The following PTPRU variants were observed in gnomAD, a reference collection of about 807,000 sequenced individuals.
PTPRU encodes the protein receptor-type tyrosine-protein phosphatase U.
Under a neutral mutation model 166.3 loss-of-function variants are expected in PTPRU, and 69 were observed. That is an observed-to-expected ratio of 0.41 (90% confidence interval 0.34 to 0.51). The LOEUF (loss-of-function observed/expected upper bound fraction) is 0.51. Ranked by LOEUF, PTPRU falls within the 20% of genes least tolerant of loss-of-function variation. The probability of loss-of-function intolerance (pLI) is 0.09; values close to 1 mark genes in which losing one functional copy is unlikely to be tolerated. For missense variants in PTPRU, 1,657 were observed against 2,013.7 expected (o/e 0.82, Z 3.39); for synonymous variants, 793 against 814.0 (o/e 0.97, Z 0.44).
intron 16 of PTPRU, 132 bp downstream of exon 16, chr1:29,304,177 C>A: frequency 2.8e-6 from 3 of 1,061,978 alleles, no homozygotes; most frequent in Non-Finnish European, 4.0e-6. Flanking sequence ...TCCAACTCAA[C>A]CTTTTTGACC....
Position 29,317,936 on chromosome 1 carries a change from T to C in PTPRU, c.3687+15T>C. On this transcript the variant is annotated intron_variant, in intron 25 of 29. Transcript: ENST00000373779. The surrounding 1 kb of genome is among the most constrained non-coding windows in gnomAD (Gnocchi z 5.6). ...CCCTGACTGACGTGAGAGCTTGGGGTGGAGTGGGCTCTGGGGCTCCCCTTC... is the reference window on the plus strand; with the variant it reads ...CCCTGACTGACGTGAGAGCTTGGGGCGGAGTGGGCTCTGGGGCTCCCCTTC... The C allele has an allele frequency of 6.2e-7, 1 of 1,612,836 alleles. No homozygotes were observed. Among genetic ancestry groups the C allele is most frequent in the African/African-American group, 1.3e-5 (1 of 74,984 alleles).
In PTPRU at chr1:29,280,114, C is replaced by T. The variant is rs202066264; in HGVS notation, c.1841C>T (p.Pro614Leu). Residue 614 changes from proline to leucine, a missense_variant, in exon 11 of 30, where the codon CCG (proline) becomes CTG (leucine). Pro to Leu is a moderately conservative substitution (Grantham distance 98, BLOSUM62 -3). Transcript: ENST00000373779. This position sits in a 1 kb window ranked among gnomAD's most constrained non-coding sequence, Gnocchi z 4.2. ...SENTITVLLR[P>L]AQGRGAPISV... is the part of the protein sequence containing the mutation. ...AACACCATCACCGTGCTGCTGAGGC[C>T]GGCACAGGGCCGCGGTGCGCCCATC... is the stretch of plus-strand genomic sequence containing the variant. The T allele has an allele frequency of 1.9e-5, 30 of 1,613,288 alleles. No homozygotes were observed. Among genetic ancestry groups the T allele is most frequent in the East Asian group, 6.7e-5 (3 of 44,872 alleles).
chr1:29,306,269 G>A lies in PTPRU; in HGVS notation c.2820+841G>A, dbSNP rs539426389. ...ATGAGTCTACTTCCTAGGTGTGGAA[G>A]AGGGGCGAGGCGGGACAGGGCCCCT... On this transcript the variant is annotated intron_variant, in intron 18 of 29. Coordinates refer to ENST00000373779, the MANE Select transcript of PTPRU (RefSeq NM_133178.4). Among the ~76,000 whole-genome samples, 7 of 152,356 alleles carry A rather than the reference G, an allele frequency of 4.6e-5. No homozygotes were observed. The East Asian group carries it at 1.3e-3, about 29-fold the overall frequency.
At chr1:29,252,270 T>TC (rs112002539) in intron 1 of PTPRU, among the ~76,000 whole-genome samples, 14,222 of 50,540 alleles carry the variant, frequency 0.28, 913 homozygotes, top group African/African-American at 0.36. Context: ...CTTTTTTCTT[T>TC]CTTTTTTTTT....
intron 14 of PTPRU, among the ~76,000 whole-genome samples, chr1:29,286,582 G>C (rs1413486389): frequency 1.3e-5 from 2 of 152,108 alleles, no homozygotes; most frequent in African/African-American, 4.8e-5. Context: ...CCCCCAGCAG[G>C]GGGCCTGAGA....
rs150287414 is a variant in PTPRU at position 29,257,271 on chromosome 1, C to G, written c.206-1234C>G. On this transcript the variant is annotated intron_variant, in intron 2 of 29. Coordinates refer to ENST00000373779, the MANE Select transcript of PTPRU (RefSeq NM_133178.4). The surrounding 1 kb of genome is among the most constrained non-coding windows in gnomAD (Gnocchi z 4.6). ...GAGTGTGTTGGGGGTTGAGAAGTGC[C>G]CCTTCCTGGGTGGGGATGGGGACTT... is the stretch of plus-strand genomic sequence containing the variant. Among the ~76,000 whole-genome samples, 100 of 152,194 alleles carry G rather than the reference C, an allele frequency of 6.6e-4. 1 individual carries two copies. Among genetic ancestry groups the G allele is most frequent in the African/African-American group, 2.3e-3 (97 of 41,526 alleles).
At chr1:29,284,173 C>T (rs1292267133) in intron 13 of PTPRU, among the ~76,000 whole-genome samples, 197 bp downstream of exon 13, 1 of 152,090 alleles carries the variant, frequency 6.6e-6, no homozygotes, top group African/African-American at 2.4e-5. Context: ...ACAGCAGGGG[C>T]CTGGAGCAGG....
chr1:29,274,290 C>T (rs1043764391), intron 7 of PTPRU, among the ~76,000 whole-genome samples: 3 of 151,998 alleles, frequency 2.0e-5, no homozygotes, highest in South Asian at 2.1e-4. Context: ...CCGCCTGCCT[C>T]GGCCTCCCAA....
At position 29,255,289 on chromosome 1, in the gene PTPRU, G is replaced by A. The variant is rs1684727417; in HGVS notation, c.88G>A (p.Glu30Lys). The A allele has an allele frequency of 1.2e-6, 2 of 1,613,664 alleles. No homozygotes were observed. The highest frequency in any genetic ancestry group is 8.5e-7 in the Non-Finnish European group (1 of 1,179,704). Residue 30 changes from glutamate to lysine, a missense_variant, in exon 2 of 30, where the codon GAG becomes AAG. Coordinates refer to ENST00000373779, the MANE Select transcript of PTPRU (RefSeq NM_133178.4). Reference protein sequence around the residue: ...TETPAAGCTFEEASDPAVPCE... With the variant: ...TETPAAGCTFKEASDPAVPCE... ...TGCTCTCACAGCTGGCTGCACCTTC[G>A]AGGAGGCAAGTGACCCAGCAGTGCC...
chr1:29,312,623 C>T lies in PTPRU; in HGVS notation c.3144C>T (p.Tyr1048=). 6.2e-7 allele frequency: 1 copy of T among 1,611,776 alleles called. No individual in the cohort carries two copies. Among genetic ancestry groups the T allele is most frequent in the Non-Finnish European group, 8.5e-7 (1 of 1,178,334 alleles). The change falls in exon 22 of 30, where the codon TAC becomes TAT. Residue 1048 remains tyrosine, a synonymous_variant. Transcript: ENST00000373779. ...FTAWPEHGVP[Y]HATGLLAFIR... ...CGTGGCCAGAGCATGGCGTCCCCTA[C>T]CATGCCACGGGGCTGCTGGCTTTCA...
At position 29,275,675 on chromosome 1, in the gene PTPRU, A is replaced by G. The variant is rs571821576; in HGVS notation, c.1372A>G (p.Asn458Asp). ...CATCAAGAACCTGCTGCCCTATCGG[A>G]ACGTTCACGTGAGGCTTGTCCTCAC... ...YTIKNLLPYR[N>D]VHVRLVLTNP... The change falls in exon 8 of 30, where the codon AAC becomes GAC. Residue 458 changes from asparagine to aspartate, a missense_variant. Coordinates refer to ENST00000373779, the MANE Select transcript of PTPRU (RefSeq NM_133178.4). 2 of 1,614,158 alleles carry G rather than the reference A, an allele frequency of 1.2e-6. No individual in the cohort carries two copies. The highest frequency in any genetic ancestry group is 2.7e-5 in the African/African-American group (2 of 75,030).
Position 29,291,901 on chromosome 1 carries a change from A to G in PTPRU, c.2351A>G (p.Asn784Ser), listed in dbSNP as rs1255358253. The G allele has an allele frequency of 7.4e-6, 12 of 1,614,120 alleles. No homozygotes were observed. The highest frequency in any genetic ancestry group is 1.0e-5 in the Non-Finnish European group (12 of 1,180,002). Residue 784 changes from asparagine to serine, a missense_variant, in exon 15 of 30, where the codon AAC becomes AGC. By Grantham distance (46) the Asn-to-Ser change is conservative. Transcript: ENST00000373779. This position sits in a 1 kb window ranked among gnomAD's most constrained non-coding sequence, Gnocchi z 4.1. ...KPVNMTKATV[N>S]YRQEKTHMMS... ...GTGAACATGACCAAGGCCACCGTCA[A>G]CTACCGCCAGGAGAAGACACACATG...
intron 18 of PTPRU, chr1:29,307,215 ACT>A (rs2151964797): frequency 1.4e-5 from 21 of 1,543,938 alleles, no homozygotes; most frequent in East Asian, 4.5e-5. Context: ...TGTATCTCAG[ACT>A]CTCTCACGGT....
chr1:29,309,716 T>C (rs1035807802), intron 18 of PTPRU, among the ~76,000 whole-genome samples: 6 of 151,778 alleles, frequency 4.0e-5, no homozygotes, highest in African/African-American at 1.5e-4. Context: ...AATGAAGGAG[T>C]TTTTGCTCAA....
At chr1:29,272,881 T>C (rs1374082535) in intron 7 of PTPRU, among the ~76,000 whole-genome samples, 3 of 132,702 alleles carry the variant, frequency 2.3e-5, no homozygotes, top group African/African-American at 8.8e-5. Context: ...CACTCCAGCT[T>C]GGATGACAGA....
intron 7 of PTPRU, 140 bp downstream of exon 7, chr1:29,261,043 GATA>G (rs1685042228): frequency 9.9e-7 from 1 of 1,008,634 alleles, no homozygotes; most frequent in Non-Finnish European, 1.3e-6. Context: ...TTATGGTAAA[GATA>G]ATGATAGCTA....
chr1:29,260,202 GC>G lies in PTPRU; in HGVS notation c.850+161del. The G allele has an allele frequency of 1.1e-6, 1 of 872,136 alleles. No homozygotes were observed. Among genetic ancestry groups the G allele is most frequent in the Non-Finnish European group, 1.6e-6 (1 of 629,070 alleles). 54.0% of individuals were successfully genotyped at this position (872,136 alleles called of 1,614,324 possible). The stretch of plus-strand genomic sequence containing the variant: ...AGATGGGCCTGTGGAAATGGCAGTG[GC>G]CCAGCCGGGATGAGATCTGATCTAG... On this transcript the variant is annotated intron_variant, in intron 6 of 29. Coordinates refer to ENST00000373779, the MANE Select transcript of PTPRU (RefSeq NM_133178.4). This position sits in a 1 kb window ranked among gnomAD's most constrained non-coding sequence, Gnocchi z 8.3.
At position 29,282,951 on chromosome 1, in the gene PTPRU, T is replaced by C; in HGVS notation, c.2142+2T>C. On this transcript the variant is annotated splice_donor_variant, in intron 12 of 29. Transcript: ENST00000373779. LOFTEE classifies it high-confidence loss of function. ...CAGGCAGCAAGCCACCTGAAGGGGG[T>C]GAGGGACCGGCCAGGGTCATGGTGG... The C allele has an allele frequency of 6.2e-7, 1 of 1,612,308 alleles. No individual in the cohort carries two copies. The highest frequency in any genetic ancestry group is 8.5e-7 in the Non-Finnish European group (1 of 1,179,594).
At chr1:29,246,977 A>G (rs547276656) in intron 1 of PTPRU, among the ~76,000 whole-genome samples, 1 of 152,302 alleles carries the variant, frequency 6.6e-6, no homozygotes, top group South Asian at 2.1e-4. Flanking sequence ...TCGAGTCTGC[A>G]CATACTCTGT....
Sources: gnomAD v4.1 joint callset for allele counts (sites outside exome capture counted in the v4.1 genomes callset) on GRCh38, gnomAD v4.1.1 for gene constraint, Gnocchi (gnomAD v3.1) non-coding constraint, MANE v1.5 for transcripts, NCBI Gene and HGNC (gene_info 2026-07-23, HGNC 2026-07-21) for gene names.